The following CABIN1 variants were observed in gnomAD, a reference collection of about 807,000 sequenced individuals.
CABIN1 encodes the protein calcineurin-binding protein cabin-1.
Under a neutral mutation model 227.7 loss-of-function variants are expected in CABIN1, and 133 were observed. That is an observed-to-expected ratio of 0.58 (90% CI 0.51 to 0.67). The LOEUF (loss-of-function observed/expected upper bound fraction) is 0.67. Ranked by LOEUF, CABIN1 falls within the 30% of genes least tolerant of loss-of-function variation. The pLI is 0.00. For missense variants in CABIN1, 2,408 were observed against 2,852.5 expected, an observed-to-expected ratio of 0.84 and a Z score of 3.55; for synonymous variants, 1,086 against 1,155.1, an observed-to-expected ratio of 0.94 and a Z score of 1.21.
chr22:24,047,014 C>T (rs1289781572), intron 6 of CABIN1, among the ~76,000 whole-genome samples: 1 of 152,256 alleles, frequency 6.6e-6, no homozygotes, highest in East Asian at 1.9e-4. Flanking sequence ...GAGGCCCCCC[C>T]ACATTAGGGA....
At chr22:24,055,598 G>C (rs1320739182) in intron 9 of CABIN1, among the ~76,000 whole-genome samples, 1 of 152,046 alleles carries the variant, frequency 6.6e-6, no homozygotes, top group Non-Finnish European at 1.5e-5. Flanking sequence ...ACCACCATAT[G>C]TTTTATTGAT....
intron 29 of CABIN1, among the ~76,000 whole-genome samples, chr22:24,136,438 C>T (rs912139334): frequency 2.0e-5 from 3 of 149,352 alleles, no homozygotes; most frequent in African/African-American, 5.0e-5. Context: ...CTGCAACCTC[C>T]GCCTCCTGGG....
At position 24,041,131 on chromosome 22, in the gene CABIN1, G is replaced by T. The variant is rs1050465327; in HGVS notation, c.211-8G>T. On this transcript the variant is annotated splice_region_variant and splice_polypyrimidine_tract_variant and intron_variant, in intron 4 of 36. Transcript: ENST00000263119. ...CTAGTTGTCACTTCTGTTCTGTTTT[G>T]TTCACAGGCAGTTTCATCCGGTGAT... 7 of 1,614,138 alleles carry T rather than the reference G, an allele frequency of 4.3e-6. No individual in the cohort carries two copies. The highest frequency in any genetic ancestry group is 5.9e-6 in the Non-Finnish European group (7 of 1,179,998).
At chr22:24,091,929 A>G (rs2041570470) in intron 24 of CABIN1, 86 bp downstream of exon 24, 1 of 1,551,284 alleles carries the variant, frequency 6.4e-7, no homozygotes. Flanking sequence ...TCAAGGTTCC[A>G]GTGACCGTCC....
At chr22:24,056,615 C>T in intron 10 of CABIN1, 1 of 519,998 alleles carries the variant, frequency 1.9e-6, no homozygotes, top group Non-Finnish European at 3.4e-6. Context: ...AAGCAACATA[C>T]TCATGTCCCT....
intron 17 of CABIN1, 36 bp from the exon 18 acceptor site, chr22:24,072,318 G>A (rs1277095617): frequency 6.2e-7 from 1 of 1,613,580 alleles, no homozygotes; most frequent in African/African-American, 1.3e-5. Context: ...TTACCCTGCT[G>A]TGACACTTCT....
intron 30 of CABIN1, 139 bp from the exon 31 acceptor site, chr22:24,165,391 C>G: frequency 1.2e-6 from 1 of 810,774 alleles, no homozygotes; most frequent in Non-Finnish European, 2.1e-6. Context: ...GGGGAGCAGC[C>G]CCAAACAGGT....
chr22:24,085,167 A>G lies in CABIN1; in HGVS notation c.3263+16A>G. ...GCCCCAATAGGTCAGTGACCAGATC[A>G]TGAGGCTAGGCTGGCTGCAGGGATG... On this transcript the variant is annotated intron_variant, in intron 22 of 36. Transcript: ENST00000263119. 6.2e-7 allele frequency: 1 copy of G among 1,614,128 alleles called. No homozygotes were observed. The highest frequency in any genetic ancestry group is 1.1e-5 in the South Asian group (1 of 91,078).
intron 16 of CABIN1, among the ~76,000 whole-genome samples, chr22:24,070,509 G>A (rs1442762660): frequency 6.6e-6 from 1 of 152,258 alleles, no homozygotes; most frequent in Non-Finnish European, 1.5e-5. Context: ...GGCTGGCTCT[G>A]CAGCCTCATT....
chr22:24,176,318 C>T lies in CABIN1; in HGVS notation c.6205+43C>T, dbSNP rs1430938273. The T allele has an allele frequency of 1.5e-5, 24 of 1,565,884 alleles. No individual in the cohort carries two copies. The East Asian group carries it at 5.4e-4, about 36-fold the overall frequency. On this transcript the variant is annotated intron_variant, in intron 35 of 36. Transcript: ENST00000263119. ...CAGCCCAGCACCAGCCCCCAGGAGGCTGCCTCACAGCTGGCAGCCAGGGTG... is the reference window on the plus strand; with the variant it reads ...CAGCCCAGCACCAGCCCCCAGGAGGTTGCCTCACAGCTGGCAGCCAGGGTG...
intron 27 of CABIN1, 61 bp from the exon 28 acceptor site, chr22:24,119,306 A>T: frequency 2.1e-6 from 3 of 1,417,504 alleles, no homozygotes; most frequent in Non-Finnish European, 3.0e-6. Context: ...CTGGTGGTAG[A>T]CCACTGCATG....
intron 29 of CABIN1, among the ~76,000 whole-genome samples, chr22:24,148,247 T>C (rs1488211010): frequency 6.6e-6 from 1 of 152,212 alleles, no homozygotes. Context: ...ATGGACAATG[T>C]TTGAGCTGTT....
At chr22:24,015,612 A>G (rs1007199415) in intron 1 of CABIN1, among the ~76,000 whole-genome samples, 2 of 151,726 alleles carry the variant, frequency 1.3e-5, no homozygotes, top group Non-Finnish European at 2.9e-5. Flanking sequence ...CCAAAGTGCT[A>G]GGATTACAGG....
In CABIN1 at chr22:24,119,608, C is replaced by T. The variant is rs151057274; in HGVS notation, c.4542C>T (p.Ala1514=). 607 of 1,613,614 alleles carry T rather than the reference C, an allele frequency of 3.8e-4. No individual in the cohort carries two copies. Among genetic ancestry groups the T allele is most frequent in the Non-Finnish European group, 5.0e-4 (585 of 1,179,924 alleles). ...QRQFLTEQCI[A]SFRLCLSRFP... is the part of the protein sequence containing the mutation. Reference sequence around the variant, plus strand: ...AGTTTCTCACAGAGCAGTGCATCGCCTCCTTCCGCCTGTGCCTGAGCCGCT... The same window carrying T: ...AGTTTCTCACAGAGCAGTGCATCGCTTCCTTCCGCCTGTGCCTGAGCCGCT... The change falls in exon 28 of 37, where the codon GCC becomes GCT. Residue 1514 remains alanine, a synonymous_variant. Coordinates refer to ENST00000263119, the MANE Select transcript of CABIN1 (RefSeq NM_012295.4).
chr22:24,169,773 C>T (rs969216430), intron 33 of CABIN1, among the ~76,000 whole-genome samples: 5 of 152,198 alleles, frequency 3.3e-5, no homozygotes, highest in Non-Finnish European at 7.3e-5. Context: ...CTGCTTTTGA[C>T]GTCCTTAAAA....
At chr22:24,089,746 G>A (rs911097048) in intron 23 of CABIN1, among the ~76,000 whole-genome samples, 1 of 152,222 alleles carries the variant, frequency 6.6e-6, no homozygotes, top group Non-Finnish European at 1.5e-5. Context: ...GAGCTGCTGT[G>A]TGCTTCAGCT....
At chr22:24,044,163 T>C (rs766977802) in intron 6 of CABIN1, among the ~76,000 whole-genome samples, 19 of 152,208 alleles carry the variant, frequency 1.2e-4, no homozygotes, top group Non-Finnish European at 2.5e-4. Context: ...CATCCTGGCC[T>C]ATGCAAACTG....
chr22:24,047,441 G>A (rs1213767054), intron 6 of CABIN1, among the ~76,000 whole-genome samples: 1 of 152,180 alleles, frequency 6.6e-6, no homozygotes, highest in Non-Finnish European at 1.5e-5. Flanking sequence ...AGTGCTCAGT[G>A]CCTTCTGGGT....
Position 24,059,260 on chromosome 22 carries a change from T to G in CABIN1, c.1296T>G (p.Asp432Glu), listed in dbSNP as rs767833796. 19 of 1,614,226 alleles carry G rather than the reference T, an allele frequency of 1.2e-5. No homozygotes were observed. The South Asian group carries it at 2.1e-4, about 18-fold the overall frequency. ...AGCTGGACCCTGAGGAGGAAGATGA[T>G]TCCTTTAATAACTATGAAGTCCAGT... The part of the protein sequence containing the change: ...LRKLDPEEED[D>E]SFNNYEVQSE... Residue 432 changes from aspartate to glutamate, a missense_variant, in exon 11 of 37, where the codon GAT becomes GAG. Coordinates refer to ENST00000263119, the MANE Select transcript of CABIN1 (RefSeq NM_012295.4).
Sources: gnomAD v4.1 joint callset for allele counts (sites outside exome capture counted in the v4.1 genomes callset) on GRCh38, gnomAD v4.1.1 for gene constraint, MANE v1.5 for transcripts, NCBI Gene and HGNC (gene_info 2026-07-23, HGNC 2026-07-21) for gene names.